The following CDH23 variants were observed in gnomAD, a reference collection of about 807,000 sequenced individuals.
The protein encoded by CDH23 is cadherin related 23.
In CDH23, 189 loss-of-function variants were observed where a neutral mutation model predicts 317.1. That is an observed-to-expected ratio of 0.60 (90% confidence interval 0.53 to 0.67). The LOEUF (loss-of-function observed/expected upper bound fraction) is 0.67. Ranked by LOEUF, CDH23 falls within the 30% of genes least tolerant of loss-of-function variation. CDH23 has a pLI of 0.00. For synonymous variants in CDH23, 1,839 were observed against 1,876.8 expected (o/e 0.98, Z 0.52); for missense variants, 4,401 against 4,592.4 (o/e 0.96, Z 1.20).
intron 6 of CDH23, among the ~76,000 whole-genome samples, chr10:71,565,488 T>C (rs1414511366): frequency 3.3e-5 from 5 of 151,956 alleles, no homozygotes; most frequent in African/African-American, 4.8e-5. Context: ...ATGCAATCCA[T>C]TGAGAGCCCG....
intron 32 of CDH23, among the ~76,000 whole-genome samples, chr10:71,733,124 T>C (rs918222191): frequency 2.0e-5 from 3 of 152,226 alleles, no homozygotes; most frequent in Admixed American, 6.5e-5. Context: ...ATGAATTTGC[T>C]AGAGCAGCTT....
In CDH23 at chr10:71,566,988, G is replaced by T; in HGVS notation, c.624+52G>T. 8 of 1,562,800 alleles carry T rather than the reference G, an allele frequency of 5.1e-6. 1 individual carries two copies. In the South Asian group the frequency reaches 7.8e-5, roughly 15 times the overall value. On this transcript the variant is annotated intron_variant, in intron 7 of 69. Coordinates refer to ENST00000224721, the MANE Select transcript of CDH23 (RefSeq NM_022124.6). ...CGTCCCAGCTGCCTCTTCCCACCCT[G>T]GAAGAGAGTGACGGGGCATTCCAAT...
intron 34 of CDH23, 65 bp from the exon 35 acceptor site, chr10:71,738,433 G>T: frequency 6.2e-7 from 1 of 1,604,478 alleles, no homozygotes; most frequent in Non-Finnish European, 8.5e-7. Context: ...CCCACGGTGG[G>T]ACCCAGGTGT....
intron 37 of CDH23, among the ~76,000 whole-genome samples, 155 bp downstream of exon 37, chr10:71,741,105 G>C (rs995597217): frequency 6.6e-6 from 1 of 152,204 alleles, no homozygotes; most frequent in Admixed American, 6.5e-5. Flanking sequence ...TAGCCCTAAC[G>C]CCTAGCCTGG....
intron 1 of CDH23, among the ~76,000 whole-genome samples, chr10:71,411,149 C>CT (rs1259646539): frequency 2.6e-5 from 4 of 152,124 alleles, no homozygotes; most frequent in Non-Finnish European, 5.9e-5. Context: ...TTAGAATTGG[C>CT]TTCTGAAATT....
At chr10:71,484,216 T>G (rs556013373) in intron 3 of CDH23, among the ~76,000 whole-genome samples, 2 of 152,354 alleles carry the variant, frequency 1.3e-5, no homozygotes, top group African/African-American at 4.8e-5. Context: ...AATGCCAGCA[T>G]CATTTGCTCT....
At chr10:71,552,729 G>A (rs910132546) in intron 6 of CDH23, among the ~76,000 whole-genome samples, 4 of 152,102 alleles carry the variant, frequency 2.6e-5, no homozygotes, top group African/African-American at 7.2e-5. Flanking sequence ...GACAAGGACC[G>A]GAAAGCCAAA....
chr10:71,622,568 C>G (rs940151349), intron 11 of CDH23, among the ~76,000 whole-genome samples: 7 of 152,310 alleles, frequency 4.6e-5, no homozygotes, highest in African/African-American at 1.7e-4. Flanking sequence ...GGGTGCCTTA[C>G]AAATCCCAGC....
chr10:71,554,938 A>G (rs747615654), intron 6 of CDH23, among the ~76,000 whole-genome samples: 29 of 152,200 alleles, frequency 1.9e-4, no homozygotes, highest in Admixed American at 5.9e-4. Context: ...ACTGTGACCC[A>G]GAGTCTGGGA....
chr10:71,403,399 CTT>C (rs1405096526), intron 1 of CDH23, among the ~76,000 whole-genome samples: 1 of 88,606 alleles, frequency 1.1e-5, no homozygotes. Context: ...TTCTTTCTTT[CTT>C]TCTTTCTCTT....
At chr10:71,617,759 G>T (rs1861269591) in intron 11 of CDH23, among the ~76,000 whole-genome samples, 1 of 152,114 alleles carries the variant, frequency 6.6e-6, no homozygotes, top group Non-Finnish European at 1.5e-5. Flanking sequence ...CCAGCCCTTT[G>T]GGAGGCCGGC....
chr10:71,520,356 A>G (rs1235246938), intron 6 of CDH23, among the ~76,000 whole-genome samples: 2 of 152,244 alleles, frequency 1.3e-5, no homozygotes, highest in Non-Finnish European at 2.9e-5. Context: ...ACTTCCACGT[A>G]GACTCTGTGA....
At chr10:71,570,215 C>A (rs1365001479) in intron 7 of CDH23, among the ~76,000 whole-genome samples, 1 of 152,114 alleles carries the variant, frequency 6.6e-6, no homozygotes, top group Admixed American at 6.6e-5. Flanking sequence ...AGTCACTGAA[C>A]CAGTAAATCC....
At chr10:71,814,438 G>A (rs1842049432) in intron 69 of CDH23, among the ~76,000 whole-genome samples, 1 of 152,208 alleles carries the variant, frequency 6.6e-6, no homozygotes, top group African/African-American at 2.4e-5. Flanking sequence ...GGCAGGTGCG[G>A]TGGCTCACAC....
chr10:71,654,449 A>G (rs10762465), intron 14 of CDH23, among the ~76,000 whole-genome samples: 55,400 of 152,082 alleles, frequency 0.36, 10,254 homozygotes, highest in South Asian at 0.51. Flanking sequence ...AGCTTGCTTC[A>G]GTTCTTATTG....
chr10:71,708,008 C>T (rs1371722288), intron 26 of CDH23, among the ~76,000 whole-genome samples: 1 of 151,658 alleles, frequency 6.6e-6, no homozygotes, highest in African/African-American at 2.4e-5. Context: ...CCACTCCTTA[C>T]AGTCTGGCCC....
intron 1 of CDH23, among the ~76,000 whole-genome samples, chr10:71,401,730 C>T (rs771036086): frequency 4.6e-5 from 7 of 152,110 alleles, no homozygotes; most frequent in Non-Finnish European, 7.3e-5. Flanking sequence ...AACCCATCTA[C>T]GTGATGGAAG....
chr10:71,805,958 T>C lies in CDH23; in HGVS notation c.8025T>C (p.Thr2675=), dbSNP rs769162016. The C allele has an allele frequency of 1.2e-6, 2 of 1,605,778 alleles. No individual in the cohort carries two copies. The highest frequency in any genetic ancestry group is 1.1e-5 in the South Asian group (1 of 90,746). The change falls in exon 56 of 70, where the codon ACT becomes ACC. Residue 2675 remains threonine, a synonymous_variant. Transcript: ENST00000224721. ...IIDPISGLIQ[T]AQRLDRESQA... Reference sequence around the variant, plus strand: ...ACCCAATCAGCGGCCTCATCCAGACTGCTCAGCGCCTGGACCGCGAGTCGC... The same window carrying C: ...ACCCAATCAGCGGCCTCATCCAGACCGCTCAGCGCCTGGACCGCGAGTCGC...
intron 3 of CDH23, among the ~76,000 whole-genome samples, chr10:71,464,454 G>A (rs1304072202): frequency 1.3e-5 from 2 of 152,176 alleles, no homozygotes; most frequent in Admixed American, 6.5e-5. Flanking sequence ...TGGAGAAGAT[G>A]GTCCAGCAGT....
Sources: allele counts gnomAD v4.1 joint callset (sites outside exome capture counted in the v4.1 genomes callset), GRCh38; gene constraint gnomAD v4.1.1; transcripts MANE v1.5; gene names NCBI Gene and HGNC (gene_info 2026-07-23, HGNC 2026-07-21).